Variants in PGS1 observed in about 807,000 individuals in gnomAD.
PGS1 encodes CDP-diacylglycerol--glycerol-3-phosphate 3-phosphatidyltransferase, mitochondrial.
A neutral mutation model predicts 58.3 loss-of-function variants in PGS1; 44 were observed. That is an observed-to-expected ratio of 0.75 (90% confidence interval 0.59 to 0.97). The LOEUF is 0.97. PGS1 is among the 50% of genes least tolerant of loss of function. PGS1 has a pLI of 0.00. For synonymous variants in PGS1, 330 were observed against 311.0 expected, an observed-to-expected ratio of 1.06 and a Z score of -0.64; for missense variants, 684 against 731.1, an observed-to-expected ratio of 0.94 and a Z score of 0.74.
Position 78,404,054 on chromosome 17 carries a change from A to G in PGS1, c.1367A>G (p.Glu456Gly). 2 of 1,603,186 alleles carry G rather than the reference A, an allele frequency of 1.2e-6. No homozygotes were observed. Among genetic ancestry groups the G allele is most frequent in the Non-Finnish European group, 1.7e-6 (2 of 1,173,834 alleles). Residue 456 changes from glutamate (E) to glycine (G), a missense_variant, in exon 7 of 10, where the codon GAG becomes GGG. By Grantham distance (98) the Glu-to-Gly change is moderately conservative. Coordinates refer to ENST00000262764, the MANE Select transcript of PGS1 (RefSeq NM_024419.5). ...LGQQERVQLQ[E>G]YWRRGWTFHA... is the part of the protein sequence containing the mutation. Reference sequence around the variant, plus strand: ...CAGCAGGAGCGGGTCCAGCTTCAGGAGTACTGGCGGAGGGGCTGGACGTTC... The same window carrying G: ...CAGCAGGAGCGGGTCCAGCTTCAGGGGTACTGGCGGAGGGGCTGGACGTTC...
intron 8 of PGS1, among the ~76,000 whole-genome samples, chr17:78,417,136 C>T (rs545305955): frequency 1.3e-5 from 2 of 152,244 alleles, no homozygotes; most frequent in Admixed American, 6.5e-5. Flanking sequence ...CCAAGAAAGA[C>T]TCCCTCGAAC....
intron 9 of PGS1, 32 bp from the exon 10 acceptor site, chr17:78,424,029 A>C (rs779721438): frequency 6.2e-7 from 1 of 1,614,028 alleles, no homozygotes. Flanking sequence ...CGGGACACTC[A>C]TAGATGTTCT....
chr17:78,400,873 C>T lies in PGS1; in HGVS notation c.880+18C>T. The T allele has an allele frequency of 6.4e-7, 1 of 1,567,718 alleles. No homozygotes were observed. The highest frequency in any genetic ancestry group is 8.7e-7 in the Non-Finnish European group (1 of 1,152,712). ...TTACAAAGGTAGGGGCTGCCGCTGA[C>T]ACCCTTCTATGGCTGTGGGTGGGGT... On this transcript the variant is annotated intron_variant, in intron 6 of 9. Coordinates refer to ENST00000262764, the MANE Select transcript of PGS1 (RefSeq NM_024419.5). This position sits in a 1 kb window ranked among gnomAD's most constrained non-coding sequence, Gnocchi z 4.4.
At chr17:78,407,148 C>A (rs1018511775) in intron 7 of PGS1, among the ~76,000 whole-genome samples, 18 of 151,944 alleles carry the variant, frequency 1.2e-4, no homozygotes, top group Admixed American at 3.3e-4. Context: ...ACAGCTGGAT[C>A]CCAGGGCACG....
At chr17:78,395,664 C>T (rs1567958119) in intron 2 of PGS1, among the ~76,000 whole-genome samples, 1 of 152,170 alleles carries the variant, frequency 6.6e-6, no homozygotes, top group Non-Finnish European at 1.5e-5. Context: ...GCTCATGTGT[C>T]TATATACCTG....
chr17:78,385,726 G>T (rs1252752428), intron 1 of PGS1, among the ~76,000 whole-genome samples: 1 of 152,210 alleles, frequency 6.6e-6, no homozygotes, highest in African/African-American at 2.4e-5. Context: ...CCGGCCCCCG[G>T]GTTTCTTTTG....
chr17:78,418,510 G>A (rs1374720636), intron 8 of PGS1, among the ~76,000 whole-genome samples: 4 of 152,304 alleles, frequency 2.6e-5, no homozygotes, highest in East Asian at 1.9e-4. Context: ...TTCTCATGGC[G>A]AAAACTGGTT....
intron 7 of PGS1, among the ~76,000 whole-genome samples, chr17:78,410,462 CTTTTTTTTTTTTT>C (rs572547320): frequency 1.8e-4 from 13 of 73,554 alleles, no homozygotes; most frequent in Non-Finnish European, 1.9e-4. Context: ...AACTTCAGAG[CTTTTTTTTTTTTT>C]TTTTTTTTTT....
rs7222619 is a variant in PGS1, at chr17:78,390,325, T to A, written c.144-2151T>A. 6.8e-4 allele frequency among the ~76,000 whole-genome samples: 99 copies of A among 146,020 alleles called. 2 individuals carry two copies. Among genetic ancestry groups the A allele is most frequent in the African/African-American group, 2.6e-3 (94 of 36,720 alleles). ...TCATCACCCCCTCTAGAGACGGGGG[T>A]GGGGGAGGAACAGCTGTTTCCCACC... On this transcript the variant is annotated intron_variant, in intron 1 of 9. Transcript: ENST00000262764.
chr17:78,410,916 T>A (rs192136631), intron 7 of PGS1, among the ~76,000 whole-genome samples: 1 of 152,194 alleles, frequency 6.6e-6, no homozygotes, highest in Non-Finnish European at 1.5e-5. Context: ...GGTCACTGGG[T>A]ACCAGACAGA....
chr17:78,418,414 G>A (rs981422162), intron 8 of PGS1, among the ~76,000 whole-genome samples: 3 of 152,118 alleles, frequency 2.0e-5, no homozygotes, highest in African/African-American at 7.2e-5. Context: ...ATCAGATGAC[G>A]ATTCTGTCGT....
chr17:78,385,244 A>T (rs1375535246), intron 1 of PGS1, among the ~76,000 whole-genome samples: 2 of 151,114 alleles, frequency 1.3e-5, no homozygotes, highest in Non-Finnish European at 2.9e-5. Context: ...TCAACCTCCC[A>T]AGTAGCTGGG....
intron 8 of PGS1, among the ~76,000 whole-genome samples, chr17:78,419,289 G>T (rs1388094604): frequency 2.0e-5 from 3 of 152,216 alleles, no homozygotes; most frequent in Non-Finnish European, 4.4e-5. Context: ...GGGATTATAG[G>T]CTTTAGCCAC....
intron 1 of PGS1, among the ~76,000 whole-genome samples, chr17:78,385,996 C>G (rs757724976): frequency 6.6e-6 from 1 of 152,186 alleles, no homozygotes; most frequent in Non-Finnish European, 1.5e-5. Context: ...AAACTTTCCT[C>G]CCCTCCCCAA....
At chr17:78,408,574 C>T (rs11871028) in intron 7 of PGS1, among the ~76,000 whole-genome samples, 23,919 of 152,188 alleles carry the variant, frequency 0.16, 2,354 homozygotes, top group African/African-American at 0.28. Flanking sequence ...CGTCCCTGAG[C>T]GAATAGATTG....
At chr17:78,384,226 A>C (rs573842042) in intron 1 of PGS1, among the ~76,000 whole-genome samples, 1 of 152,276 alleles carries the variant, frequency 6.6e-6, no homozygotes, top group South Asian at 2.1e-4. Flanking sequence ...CGGACTTGTT[A>C]TGGGAGTTCA....
chr17:78,393,421 G>C (rs575571495), intron 2 of PGS1, among the ~76,000 whole-genome samples: 2 of 152,180 alleles, frequency 1.3e-5, no homozygotes, highest in Non-Finnish European at 2.9e-5. Flanking sequence ...TGTGGACCAC[G>C]GGAAGGGAGG....
At chr17:78,403,449 TC>T (rs914792905) in intron 6 of PGS1, 118 bp from the exon 7 acceptor site, 2 of 1,080,188 alleles carry the variant, frequency 1.9e-6, no homozygotes, top group African/African-American at 3.1e-5. Context: ...CAGCGAGTGT[TC>T]AGTGAACATC....
intron 7 of PGS1, among the ~76,000 whole-genome samples, chr17:78,409,973 T>C (rs1015386402): frequency 5.9e-5 from 9 of 152,040 alleles, no homozygotes; most frequent in Non-Finnish European, 7.4e-5. Flanking sequence ...TAGCCGGGTG[T>C]GGTGGTGCAT....
Sources: allele counts gnomAD v4.1 joint callset (sites outside exome capture counted in the v4.1 genomes callset), GRCh38; gene constraint gnomAD v4.1.1; non-coding constraint Gnocchi (gnomAD v3.1); transcripts MANE v1.5; gene names NCBI Gene and HGNC (gene_info 2026-07-23, HGNC 2026-07-21).